Variants in NRXN1 observed in about 807,000 individuals in gnomAD.
NRXN1 encodes the protein neurexin 1, also known as neurexin-1.
A neutral mutation model predicts 150.9 loss-of-function variants in NRXN1; 39 were observed. The observed-to-expected ratio is 0.26, with a 90% confidence interval of 0.20 to 0.34. NRXN1 has a LOEUF of 0.34. Ranked by LOEUF, NRXN1 falls within the 10% of genes least tolerant of loss-of-function variation. The probability of loss-of-function intolerance (pLI) is 1.00; values close to 1 mark genes in which losing one functional copy is unlikely to be tolerated. For missense variants in NRXN1, 1,815 were observed against 1,949.9 expected, an observed-to-expected ratio of 0.93 and a Z score of 1.30; for synonymous variants, 924 against 757.0, an observed-to-expected ratio of 1.22 and a Z score of -3.62.
intron 18 of NRXN1, among the ~76,000 whole-genome samples, chr2:50,170,688 C>A (rs142606466): frequency 1.3e-5 from 2 of 150,872 alleles, no homozygotes; most frequent in African/African-American, 5.0e-5. Context: ...AACAAAAAAA[C>A]CCTGAAATCT....
At chr2:50,567,715 G>C (rs966391259) in intron 8 of NRXN1, among the ~76,000 whole-genome samples, 1 of 152,160 alleles carries the variant, frequency 6.6e-6, no homozygotes, top group African/African-American at 2.4e-5. Context: ...AACTAGAATA[G>C]TGTGGGGGTA....
chr2:50,494,887 C>T lies in NRXN1; in HGVS notation c.3070+1018G>A, dbSNP rs142979781. Among the ~76,000 whole-genome samples, 431 of 151,894 alleles carry T rather than the reference C, an allele frequency of 2.8e-3. 3 individuals carry two copies. The highest frequency in any genetic ancestry group is 9.8e-3 in the African/African-American group (404 of 41,410). ...GTCTCTACTAAAACACAAAATTAGC[C>T]GGGCGTGGTGGCGGGTGCCTGTAAT... is the stretch of plus-strand genomic sequence containing the variant. On this transcript the variant is annotated intron_variant, in intron 15 of 22. Transcript: ENST00000401669.
intron 2 of NRXN1, among the ~76,000 whole-genome samples, chr2:50,940,359 C>T (rs964150817): frequency 7.9e-5 from 12 of 151,668 alleles, no homozygotes; most frequent in Non-Finnish European, 1.6e-4. Flanking sequence ...CCTGCAGTCC[C>T]AGCTACATGG....
chr2:50,443,974 A>G, intron 17 of NRXN1, among the ~76,000 whole-genome samples: 1 of 152,294 alleles, frequency 6.6e-6, no homozygotes, highest in Middle Eastern at 3.4e-3. Context: ...ATTAAACATA[A>G]AATTTGATTT....
chr2:50,137,256 T>C (rs1706559832), intron 18 of NRXN1, among the ~76,000 whole-genome samples: 2 of 152,186 alleles, frequency 1.3e-5, no homozygotes, highest in South Asian at 4.1e-4. Context: ...TAAACTCAGC[T>C]GAACCCTGAT....
At chr2:50,916,991 T>A (rs1685299429) in intron 5 of NRXN1, 1 of 151,710 alleles carries the variant, frequency 6.6e-6, no homozygotes, top group African/African-American at 2.4e-5. Context: ...GAATTCTAAA[T>A]AGTCACATAG....
intron 5 of NRXN1, among the ~76,000 whole-genome samples, chr2:50,854,301 A>G (rs1450042262): frequency 1.3e-5 from 2 of 152,072 alleles, no homozygotes; most frequent in Non-Finnish European, 2.9e-5. Flanking sequence ...GGAATGTAAC[A>G]TCTCATATAT....
At chr2:49,925,265 G>A (rs1309495560) in intron 22 of NRXN1, among the ~76,000 whole-genome samples, 17 of 142,026 alleles carry the variant, frequency 1.2e-4, no homozygotes, top group African/African-American at 3.7e-4. Flanking sequence ...GCAACAGAGC[G>A]AGACACTGCC....
chr2:50,514,202 G>A (rs888184776), intron 12 of NRXN1, among the ~76,000 whole-genome samples: 3 of 152,148 alleles, frequency 2.0e-5, no homozygotes, highest in African/African-American at 7.2e-5. Context: ...TTGCACAGAT[G>A]ATGGACAGGC....
At chr2:50,256,699 C>T (rs2067730105) in intron 17 of NRXN1, among the ~76,000 whole-genome samples, 1 of 152,098 alleles carries the variant, frequency 6.6e-6, no homozygotes, top group Non-Finnish European at 1.5e-5. Flanking sequence ...TGCGTAGAGC[C>T]TACATTTCCC....
intron 2 of NRXN1, among the ~76,000 whole-genome samples, chr2:51,010,631 G>T (rs370304306): frequency 2.0e-5 from 3 of 152,094 alleles, no homozygotes; most frequent in African/African-American, 7.2e-5. Flanking sequence ...TCCTAGAGAT[G>T]AAACTGTTAA....
intron 18 of NRXN1, among the ~76,000 whole-genome samples, chr2:50,098,829 A>C (rs1165548658): frequency 3.1e-5 from 1 of 32,424 alleles, no homozygotes; most frequent in African/African-American, 1.5e-4. Context: ...TTTTGGTTTT[A>C]GTTTTTTTTT....
chr2:50,620,132 C>T lies in NRXN1; in HGVS notation c.1210G>A (p.Asp404Asn). 6.2e-7 allele frequency: 1 copy of T among 1,613,530 alleles called. No homozygotes were observed. The highest frequency in any genetic ancestry group is 8.5e-7 in the Non-Finnish European group (1 of 1,179,664). ...TCATCAGACCCCAGCATGGTATAAT[C>T]TTCTTGCGTGTAGCCCGTTGTGGTA... is the stretch of plus-strand genomic sequence containing the variant. ...ILTTTGYTQE[D>N]YTMLGSDDFF... The change falls in exon 8 of 23, where the codon GAT (aspartate) becomes AAT (asparagine). Residue 404 changes from aspartate to asparagine, a missense_variant. By Grantham distance (23) the Asp-to-Asn change is conservative. This residue lies in a region of NRXN1 where 638 missense variants were observed against 652.6 expected (regional missense o/e 0.98). Coordinates refer to ENST00000401669, the MANE Select transcript of NRXN1 (RefSeq NM_001330078.2).
chr2:50,481,260 T>C (rs934717583), intron 15 of NRXN1, among the ~76,000 whole-genome samples: 10 of 151,916 alleles, frequency 6.6e-5, no homozygotes, highest in African/African-American at 1.7e-4. Flanking sequence ...TTTTGGAGAG[T>C]TGTGGCTAGT....
chr2:50,451,224 C>T (rs1460541749), intron 17 of NRXN1, among the ~76,000 whole-genome samples: 2 of 152,190 alleles, frequency 1.3e-5, no homozygotes, highest in Non-Finnish European at 2.9e-5. Flanking sequence ...CCAGTTTGGC[C>T]TCCTAAAGTG....
intron 21 of NRXN1, among the ~76,000 whole-genome samples, chr2:50,016,786 A>G (rs79616272): frequency 1.5e-3 from 226 of 149,332 alleles, no homozygotes; most frequent in African/African-American, 5.3e-3. Flanking sequence ...GCCAAACCAC[A>G]TCAGGCTATA....
intron 5 of NRXN1, among the ~76,000 whole-genome samples, chr2:50,883,570 C>G (rs922248364): frequency 6.6e-6 from 1 of 151,728 alleles, no homozygotes; most frequent in South Asian, 2.1e-4. Context: ...TACACAGAAT[C>G]AAGTGTAGAA....
chr2:50,481,760 CTT>C (rs758265489), intron 15 of NRXN1, among the ~76,000 whole-genome samples: 3 of 82,958 alleles, frequency 3.6e-5, no homozygotes, highest in Admixed American at 1.8e-4. Flanking sequence ...ACTTTTGTTT[CTT>C]TTTTTTTTTT....
At chr2:50,409,541 C>T (rs538516135) in intron 17 of NRXN1, among the ~76,000 whole-genome samples, 1 of 152,238 alleles carries the variant, frequency 6.6e-6, no homozygotes, top group East Asian at 1.9e-4. Flanking sequence ...ACTTAAGCAC[C>T]CTCTTTTGCA....
Sources: gnomAD v4.1 joint callset for allele counts (sites outside exome capture counted in the v4.1 genomes callset) on GRCh38, gnomAD v4.1.1 for gene constraint, gnomAD v4.1.1 regional missense constraint, MANE v1.5 for transcripts, NCBI Gene and HGNC (gene_info 2026-07-23, HGNC 2026-07-21) for gene names.